The following ADAMTS15 variants were observed in gnomAD, a reference collection of about 807,000 sequenced individuals.
ADAMTS15 encodes the protein ADAM metallopeptidase with thrombospondin type 1 motif 15.
Under a neutral mutation model 79.1 loss-of-function variants are expected in ADAMTS15, and 35 were observed. The observed-to-expected ratio is 0.44, with a 90% CI of 0.34 to 0.59. The LOEUF (loss-of-function observed/expected upper bound fraction) is 0.59. Among genes scored for constraint, ADAMTS15 ranks in the 20% least tolerant of loss-of-function variants. ADAMTS15 has a pLI of 0.02. For synonymous variants in ADAMTS15, 616 were observed against 567.3 expected (o/e 1.09, Z -1.22); for missense variants, 1,324 against 1,318.7 (o/e 1.00, Z -0.06).
rs1937914568 is a variant in ADAMTS15 at position 130,449,518 on chromosome 11, C to A, written c.545C>A (p.Pro182His). ...TGCGGGGTGGCCTCGGGCTGGAACCCCGCCATCCTACGGGCCCTGGACCCT... is the reference window on the plus strand; with the variant it reads ...TGCGGGGTGGCCTCGGGCTGGAACCACGCCATCCTACGGGCCCTGGACCCT... ...SRCGVASGWN[P>H]AILRALDPYK... The change falls in exon 1 of 8, where the codon CCC becomes CAC. Residue 182 changes from proline (P) to histidine (H), a missense_variant. Pro to His is a moderately conservative substitution (Grantham distance 77). Transcript: ENST00000299164. This position sits in a 1 kb window ranked among gnomAD's most constrained non-coding sequence, Gnocchi z 7.8. The A allele has an allele frequency of 6.4e-7, 1 of 1,558,790 alleles. No individual in the cohort carries two copies. Among genetic ancestry groups the A allele is most frequent in the African/African-American group, 1.4e-5 (1 of 73,998 alleles).
In ADAMTS15 at chr11:130,449,249, C is replaced by T; in HGVS notation, c.276C>T (p.Thr92=). 6.2e-7 allele frequency: 1 copy of T among 1,613,536 alleles called. No homozygotes were observed. Among genetic ancestry groups the T allele is most frequent in the Non-Finnish European group, 8.5e-7 (1 of 1,180,024 alleles). The change falls in exon 1 of 8, where the codon ACC becomes ACT. Residue 92 remains threonine, a synonymous_variant. Coordinates refer to ENST00000299164, the MANE Select transcript of ADAMTS15 (RefSeq NM_139055.4). The surrounding 1 kb of genome is among the most constrained non-coding windows in gnomAD (Gnocchi z 7.8). ...EHLGVPLQGL[T]GGSSDLRRCF... is the part of the protein sequence containing the mutation. ...TGGGCGTCCCCCTCCAGGGGCTCACCGGGGGCTCTTCAGACCTGCGACGCT... is the reference window on the plus strand; with the variant it reads ...TGGGCGTCCCCCTCCAGGGGCTCACTGGGGGCTCTTCAGACCTGCGACGCT...
At chr11:130,464,034 G>A (rs1301855023) in intron 4 of ADAMTS15, among the ~76,000 whole-genome samples, 1 of 152,120 alleles carries the variant, frequency 6.6e-6, no homozygotes, top group Non-Finnish European at 1.5e-5. Context: ...GGAGGCGGGC[G>A]GTCCTGGGCA....
In ADAMTS15 at chr11:130,473,469, A is replaced by G. The variant is rs374363479; in HGVS notation, c.2501A>G (p.Gln834Arg). ...CTCAGCCTCTCCAACCAGGTGGAGC[A>G]GCCGGACGACAGGCCCCCTGCACGC... is the stretch of plus-strand genomic sequence containing the variant. ...SVLSLSNQVE[Q>R]PDDRPPARWV... is the part of the protein sequence containing the mutation. The change falls in exon 8 of 8, where the codon CAG becomes CGG. Residue 834 changes from glutamine (Q) to arginine (R), a missense_variant. Transcript: ENST00000299164. 12 of 1,612,202 alleles carry G rather than the reference A, an allele frequency of 7.4e-6. No homozygotes were observed. Among genetic ancestry groups the G allele is most frequent in the South Asian group, 6.6e-5 (6 of 91,076 alleles).
At position 130,462,245 on chromosome 11, in the gene ADAMTS15, A is replaced by G. The variant is rs373541711; in HGVS notation, c.1249A>G (p.Ser417Gly). Reference protein sequence around the residue: ...SAAIITDFLDSGHGDCLLDQP... With the variant: ...SAAIITDFLDGGHGDCLLDQP... ...TGCCATCATCACCGACTTCCTGGAC[A>G]GCGGGCACGGTAAGCCAGGACGGCG... Residue 417 changes from serine to glycine, a missense_variant, in exon 3 of 8, where the codon AGC (serine) becomes GGC (glycine). Ser to Gly is a moderately conservative substitution (Grantham distance 56, BLOSUM62 0). Coordinates refer to ENST00000299164, the MANE Select transcript of ADAMTS15 (RefSeq NM_139055.4). The surrounding 1 kb of genome is among the most constrained non-coding windows in gnomAD (Gnocchi z 4.3). 6.2e-7 allele frequency: 1 copy of G among 1,613,036 alleles called. No individual in the cohort carries two copies. Among genetic ancestry groups the G allele is most frequent in the African/African-American group, 1.3e-5 (1 of 74,920 alleles).
chr11:130,454,956 T>A (rs1592144274), intron 1 of ADAMTS15, among the ~76,000 whole-genome samples: 1 of 152,112 alleles, frequency 6.6e-6, no homozygotes, highest in African/African-American at 2.4e-5. Flanking sequence ...CCCCTGGAAT[T>A]TTCCCCCCAA....
At chr11:130,471,938 T>C (rs891488099) in intron 7 of ADAMTS15, among the ~76,000 whole-genome samples, 1 of 152,144 alleles carries the variant, frequency 6.6e-6, no homozygotes, top group Non-Finnish European at 1.5e-5. Context: ...GGGGATCAGA[T>C]TGAGGTGAGA....
chr11:130,450,093 C>G, intron 1 of ADAMTS15, 163 bp downstream of exon 1: 1 of 985,512 alleles, frequency 1.0e-6, no homozygotes, highest in South Asian at 4.7e-5. Context: ...GAGCCCTCTC[C>G]CACGCTCCGC....
intron 1 of ADAMTS15, among the ~76,000 whole-genome samples, chr11:130,461,067 G>A (rs907513669): frequency 4.6e-5 from 7 of 152,228 alleles, no homozygotes; most frequent in African/African-American, 1.7e-4. Context: ...GAGGCTGCTC[G>A]AAGCTGCCTC....
At chr11:130,468,334 G>A (rs530805216) in intron 4 of ADAMTS15, among the ~76,000 whole-genome samples, 28 of 152,312 alleles carry the variant, frequency 1.8e-4, no homozygotes, top group African/African-American at 6.3e-4. Context: ...GGCAGAGTCC[G>A]TTGAAAACAT....
Position 130,462,200 on chromosome 11 carries a change from C to T in ADAMTS15, c.1204C>T (p.Pro402Ser), listed in dbSNP as rs1203335488. Residue 402 changes from proline (P) to serine (S), a missense_variant, in exon 3 of 8, where the codon CCC becomes TCC. Coordinates refer to ENST00000299164, the MANE Select transcript of ADAMTS15 (RefSeq NM_139055.4). The surrounding 1 kb of genome is among the most constrained non-coding windows in gnomAD (Gnocchi z 4.3). ...CCTCATCCAGATCGACCGTGCCAAC[C>T]CCTGGTCAGCCTGCAGTGCTGCCAT... is the stretch of plus-strand genomic sequence containing the variant. Reference protein sequence around the residue: ...PTLIQIDRANPWSACSAAIIT... With the variant: ...PTLIQIDRANSWSACSAAIIT... The T allele has an allele frequency of 1.2e-6, 2 of 1,614,226 alleles. 1 individual carries two copies. Among genetic ancestry groups the T allele is most frequent in the South Asian group, 2.2e-5 (2 of 91,080 alleles).
chr11:130,455,777 G>C (rs1938064003), intron 1 of ADAMTS15, among the ~76,000 whole-genome samples: 1 of 152,252 alleles, frequency 6.6e-6, no homozygotes, highest in African/African-American at 2.4e-5. Flanking sequence ...GACGGGGTCA[G>C]TGTGTCAATG....
intron 1 of ADAMTS15, among the ~76,000 whole-genome samples, chr11:130,455,564 T>C (rs1189998207): frequency 6.6e-6 from 1 of 152,196 alleles, no homozygotes; most frequent in African/African-American, 2.4e-5. Flanking sequence ...GATGCTTAGG[T>C]AGCTCACCTC....
At chr11:130,461,715 A>G in intron 2 of ADAMTS15, 94 bp downstream of exon 2, 1 of 1,544,654 alleles carries the variant, frequency 6.5e-7, no homozygotes, top group South Asian at 1.2e-5. Context: ...TGTGTTCTGA[A>G]GCCTTAGGAC....
rs1463721920 is a variant in ADAMTS15 at position 130,449,812 on chromosome 11, A to G, written c.839A>G (p.Lys280Arg). ...LLLRDRDSGP[K>R]VTGNAALTLR... ...CTTAGAGATCGTGACTCCGGGCCCA[A>G]GGTCACCGGCAATGCGGCCCTGACG... Residue 280 changes from lysine (K) to arginine (R), a missense_variant, in exon 1 of 8, where the codon AAG becomes AGG. Lys to Arg is a conservative substitution (Grantham distance 26). Coordinates refer to ENST00000299164, the MANE Select transcript of ADAMTS15 (RefSeq NM_139055.4). This position sits in a 1 kb window ranked among gnomAD's most constrained non-coding sequence, Gnocchi z 7.8. 6.2e-7 allele frequency: 1 copy of G among 1,611,012 alleles called. No individual in the cohort carries two copies. The highest frequency in any genetic ancestry group is 8.5e-7 in the Non-Finnish European group (1 of 1,180,022).
chr11:130,470,154 G>A (rs4937521), intron 5 of ADAMTS15, among the ~76,000 whole-genome samples: 2,417 of 54,978 alleles, frequency 0.044, 154 homozygotes, highest in African/African-American at 0.091. Flanking sequence ...ATATATATGT[G>A]TATATATATA....
chr11:130,454,167 C>T (rs1393585284), intron 1 of ADAMTS15, among the ~76,000 whole-genome samples: 1 of 152,150 alleles, frequency 6.6e-6, no homozygotes, highest in Non-Finnish European at 1.5e-5. Context: ...TCATTTGATG[C>T]CACCTCTGTT....
intron 1 of ADAMTS15, among the ~76,000 whole-genome samples, chr11:130,452,530 C>T (rs1183073139): frequency 3.3e-5 from 5 of 152,240 alleles, no homozygotes; most frequent in African/African-American, 7.2e-5. Flanking sequence ...TTCCCTGAGA[C>T]TTCTCTGTCT....
chr11:130,449,484 A>T lies in ADAMTS15; in HGVS notation c.511A>T (p.Thr171Ser). 1 of 1,560,290 alleles carries T rather than the reference A, an allele frequency of 6.4e-7. No homozygotes were observed. The highest frequency in any genetic ancestry group is 8.6e-7 in the Non-Finnish European group (1 of 1,156,084). Residue 171 changes from threonine (T) to serine (S), a missense_variant, in exon 1 of 8, where the codon ACC becomes TCC. Physicochemically the swap from Thr to Ser is moderately conservative, Grantham distance 58. Coordinates refer to ENST00000299164, the MANE Select transcript of ADAMTS15 (RefSeq NM_139055.4). The surrounding 1 kb of genome is among the most constrained non-coding windows in gnomAD (Gnocchi z 7.8). ...TCCGGGCGGGCCTTCCGGAGACCCC[A>T]CCTCTCGCTGCGGGGTGGCCTCGGG... Reference protein sequence around the residue: ...GVPGGPSGDPTSRCGVASGWN... With the variant: ...GVPGGPSGDPSSRCGVASGWN...
At chr11:130,470,047 A>G (rs540034935) in intron 5 of ADAMTS15, among the ~76,000 whole-genome samples, 1 of 148,284 alleles carries the variant, frequency 6.7e-6, no homozygotes, top group Non-Finnish European at 1.5e-5. Flanking sequence ...TGGTTGTTGC[A>G]GAATTTTCAA....
Sources: allele counts gnomAD v4.1 joint callset (sites outside exome capture counted in the v4.1 genomes callset), GRCh38; gene constraint gnomAD v4.1.1; non-coding constraint Gnocchi (gnomAD v3.1); transcripts MANE v1.5; gene names NCBI Gene and HGNC (gene_info 2026-07-23, HGNC 2026-07-21).